The following GRIP1 variants were observed in gnomAD, a reference collection of about 807,000 sequenced individuals.
GRIP1 encodes the protein glutamate receptor interacting protein 1, also known as glutamate receptor-interacting protein 1.
A neutral mutation model predicts 129.9 loss-of-function variants in GRIP1; 45 were observed. That is an observed-to-expected ratio of 0.35 (90% CI 0.27 to 0.44). The LOEUF (loss-of-function observed/expected upper bound fraction) is 0.44, where lower values mean the gene tolerates loss of function less well. GRIP1 is among the 20% of genes least tolerant of loss of function. The pLI is 1.00. For synonymous variants in GRIP1, 530 were observed against 520.8 expected (o/e 1.02, Z -0.24); for missense variants, 1,196 against 1,396.8 (o/e 0.86, Z 2.29).
chr12:66,917,465 T>C (rs1219744423), intron 1 of GRIP1, among the ~76,000 whole-genome samples: 1 of 152,214 alleles, frequency 6.6e-6, no homozygotes, highest in Non-Finnish European at 1.5e-5. Flanking sequence ...TAATTGTTTA[T>C]GGGAAAACTA....
At chr12:66,831,518 A>G (rs1222519991) in intron 1 of GRIP1, among the ~76,000 whole-genome samples, 1 of 152,234 alleles carries the variant, frequency 6.6e-6, no homozygotes, top group Non-Finnish European at 1.5e-5. Context: ...TTTCAAAATT[A>G]TAACAGCTAA....
chr12:66,876,248 T>C (rs1020865539), intron 1 of GRIP1, among the ~76,000 whole-genome samples: 1 of 152,064 alleles, frequency 6.6e-6, no homozygotes, highest in Non-Finnish European at 1.5e-5. Context: ...ATCTCCAGTA[T>C]AATTCTTTAC....
chr12:66,891,813 T>A (rs977538583), intron 1 of GRIP1: 2 of 152,128 alleles, frequency 1.3e-5, no homozygotes, highest in Non-Finnish European at 2.9e-5. Flanking sequence ...TCTTCCCCTA[T>A]AAGGAGGAAA....
At chr12:66,979,222 T>TA (rs35306665) in intron 1 of GRIP1, among the ~76,000 whole-genome samples, 441 of 41,396 alleles carry the variant, frequency 0.011, 23 homozygotes, top group East Asian at 0.023. Context: ...CTTCTCTTCT[T>TA]AAAAAAAAAA....
intron 1 of GRIP1, among the ~76,000 whole-genome samples, chr12:66,691,508 C>T (rs370887236): frequency 4.6e-5 from 7 of 152,210 alleles, no homozygotes; most frequent in African/African-American, 1.4e-4. Context: ...TCAACTTTTA[C>T]CTTTCTTGTT....
chr12:66,526,168 G>GA (rs952056068), intron 5 of GRIP1, among the ~76,000 whole-genome samples: 7 of 150,888 alleles, frequency 4.6e-5, no homozygotes, highest in Admixed American at 2.0e-4. Flanking sequence ...CACAGAATTG[G>GA]AAAAAACTAC....
rs2041156947 is a variant in GRIP1 at position 66,918,135 on chromosome 12, A to T, written c.58+150915T>A. Reference sequence around the variant, plus strand: ...AGCTGCAGACTTAGAGGAGCCAATGATTCATTACAGTTTGAGTCCAAAAGC... The same window carrying T: ...AGCTGCAGACTTAGAGGAGCCAATGTTTCATTACAGTTTGAGTCCAAAAGC... On this transcript the variant is annotated intron_variant, in intron 1 of 1. Transcript: ENST00000643019. 2.6e-5 allele frequency among the ~76,000 whole-genome samples: 4 copies of T among 151,932 alleles called. 1 individual carries two copies. In the South Asian group the frequency reaches 8.3e-4, roughly 32 times the overall value.
intron 7 of GRIP1, among the ~76,000 whole-genome samples, chr12:66,504,979 T>A (rs1168225733): frequency 6.6e-6 from 1 of 152,216 alleles, no homozygotes; most frequent in Non-Finnish European, 1.5e-5. Context: ...TCTCTTTGTC[T>A]TGATTTTGGT....
At chr12:66,662,584 T>G (rs2033575192) in intron 1 of GRIP1, among the ~76,000 whole-genome samples, 1 of 152,156 alleles carries the variant, frequency 6.6e-6, no homozygotes, top group Non-Finnish European at 1.5e-5. Flanking sequence ...TCATGATGCA[T>G]TTTCCATATT....
intron 19 of GRIP1, among the ~76,000 whole-genome samples, chr12:66,382,229 C>A (rs1430336288): frequency 1.3e-5 from 2 of 151,806 alleles, no homozygotes; most frequent in African/African-American, 4.8e-5. Context: ...ATCCTATCTC[C>A]AAAAAATAAA....
At chr12:66,526,115 A>G (rs1450499766) in intron 5 of GRIP1, among the ~76,000 whole-genome samples, 5 of 152,072 alleles carry the variant, frequency 3.3e-5, no homozygotes, top group African/African-American at 1.2e-4. Context: ...AAGGTAATTT[A>G]TAGATTCAAT....
intron 5 of GRIP1, among the ~76,000 whole-genome samples, chr12:66,526,707 C>T (rs533862845): frequency 0.011 from 1,684 of 151,648 alleles, 24 homozygotes; most frequent in African/African-American, 0.037. Flanking sequence ...AGAGCTTCTG[C>T]ACAGCAAAAG....
chr12:66,355,403 G>C (rs1297625438), intron 23 of GRIP1, among the ~76,000 whole-genome samples: 1 of 151,678 alleles, frequency 6.6e-6, no homozygotes, highest in Non-Finnish European at 1.5e-5. Flanking sequence ...CCGTAAGATG[G>C]GTAAGAGTCT....
intron 2 of GRIP1, among the ~76,000 whole-genome samples, chr12:66,588,685 T>A (rs1357666412): frequency 6.6e-6 from 1 of 152,090 alleles, no homozygotes; most frequent in East Asian, 1.9e-4. Context: ...AACTTCAGTT[T>A]GCTGGTGGGG....
intron 1 of GRIP1, among the ~76,000 whole-genome samples, chr12:66,721,804 G>C (rs910876222): frequency 6.6e-6 from 1 of 152,170 alleles, no homozygotes; most frequent in Admixed American, 6.5e-5. Flanking sequence ...AGATCTTCTA[G>C]TTAACTTGCA....
chr12:66,620,254 T>C (rs935418383), intron 1 of GRIP1, among the ~76,000 whole-genome samples: 1 of 152,198 alleles, frequency 6.6e-6, no homozygotes, highest in Admixed American at 6.6e-5. Flanking sequence ...CAAGAGTGAC[T>C]AGCTAGGGCC....
chr12:66,729,246 T>C (rs1047652718), intron 1 of GRIP1, among the ~76,000 whole-genome samples: 12 of 152,142 alleles, frequency 7.9e-5, no homozygotes, highest in Non-Finnish European at 1.6e-4. Context: ...AAAAGGCACA[T>C]ATTATCTGTT....
At chr12:66,615,607 C>G (rs536275580) in intron 1 of GRIP1, among the ~76,000 whole-genome samples, 1 of 152,184 alleles carries the variant, frequency 6.6e-6, no homozygotes, top group Non-Finnish European at 1.5e-5. Flanking sequence ...AATGAATACA[C>G]TAGTGTTCCT....
At chr12:66,938,748 G>T (rs983147497) in intron 1 of GRIP1, among the ~76,000 whole-genome samples, 1 of 151,760 alleles carries the variant, frequency 6.6e-6, no homozygotes, top group African/African-American at 2.4e-5. Flanking sequence ...CACCAGGTCA[G>T]GAGATCAAGA....
Sources: gnomAD v4.1 joint callset for allele counts (sites outside exome capture counted in the v4.1 genomes callset) on GRCh38, gnomAD v4.1.1 for gene constraint, MANE v1.5 for transcripts, NCBI Gene and HGNC (gene_info 2026-07-23, HGNC 2026-07-21) for gene names.